The following WDR72 variants were observed in gnomAD, a reference collection of about 807,000 sequenced individuals.
WDR72 encodes the protein WD repeat domain 72.
WDR72 carries 120 observed loss-of-function variants against 124.2 expected under a neutral mutation model. The observed-to-expected ratio is 0.97, with a 90% confidence interval of 0.83 to 1.12. The LOEUF (loss-of-function observed/expected upper bound fraction) is 1.12, where lower values mean the gene tolerates loss of function less well. Ranked by LOEUF, WDR72 falls within the 50% of genes most tolerant of loss-of-function variation. The probability of loss-of-function intolerance (pLI) is 0.00; values close to 1 mark genes in which losing one functional copy is unlikely to be tolerated. For synonymous variants in WDR72, 452 were observed against 441.7 expected, an observed-to-expected ratio of 1.02 and a Z score of -0.29; for missense variants, 1,387 against 1,278.8, an observed-to-expected ratio of 1.08 and a Z score of -1.29.
intron 1 of WDR72, chr15:53,759,390 G>A (rs542556406): frequency 6.6e-6 from 1 of 152,212 alleles, no homozygotes; most frequent in Non-Finnish European, 1.5e-5. Flanking sequence ...ATCTGGAAAA[G>A]AGTTTGAAGA....
intron 17 of WDR72, among the ~76,000 whole-genome samples, chr15:53,602,440 G>A (rs1321089973): frequency 6.6e-6 from 1 of 151,542 alleles, no homozygotes; most frequent in Non-Finnish European, 1.5e-5. Context: ...AGAATCAAGA[G>A]CAAAAAAATC....
intron 13 of WDR72, among the ~76,000 whole-genome samples, chr15:53,670,298 T>C (rs1013957607): frequency 2.0e-5 from 3 of 152,202 alleles, no homozygotes; most frequent in Non-Finnish European, 2.9e-5. Context: ...GAAGGAAAGA[T>C]CAGTTTCCAA....
chr15:53,619,676 G>A (rs1392327081), intron 14 of WDR72, among the ~76,000 whole-genome samples: 1 of 151,936 alleles, frequency 6.6e-6, no homozygotes, highest in Non-Finnish European at 1.5e-5. Context: ...ACTGGACCTG[G>A]AAATTCTCTC....
At chr15:53,711,587 T>A in intron 7 of WDR72, 106 bp from the exon 8 acceptor site, 2 of 1,154,716 alleles carry the variant, frequency 1.7e-6, no homozygotes, top group Non-Finnish European at 1.3e-6. Flanking sequence ...TAAGCGTTAA[T>A]AACAGACCAT....
At chr15:53,673,125 A>T (rs2016050536) in intron 13 of WDR72, among the ~76,000 whole-genome samples, 1 of 151,904 alleles carries the variant, frequency 6.6e-6, no homozygotes, top group South Asian at 2.1e-4. Flanking sequence ...ACTGTCTCAA[A>T]AAAAGAAAAG....
rs148643501 is a variant in WDR72 at position 53,733,057 on chromosome 15, C to T, written c.93G>A (p.Thr31=). 64 of 1,613,896 alleles carry T rather than the reference C, an allele frequency of 4.0e-5. No individual in the cohort carries two copies. Among genetic ancestry groups the T allele is most frequent in the African/African-American group, 5.3e-5 (4 of 74,868 alleles). ...TAIMITDDQR[T]IVTGSQEGQL... ...GACCCTCTTGACTTCCAGTCACAAT[C>T]GTTCGCTGGTCATCAGTGATCATGA... The change falls in exon 2 of 20, where the codon ACG becomes ACA. Residue 31 remains threonine, a synonymous_variant. Coordinates refer to ENST00000360509, the MANE Select transcript of WDR72 (RefSeq NM_182758.4).
At chr15:53,724,665 G>T (rs533832030) in intron 2 of WDR72, among the ~76,000 whole-genome samples, 8 of 152,018 alleles carry the variant, frequency 5.3e-5, no homozygotes, top group Non-Finnish European at 8.8e-5. Flanking sequence ...CCTCCCACGG[G>T]GTCCCTCCCA....
At chr15:53,756,754 T>A (rs1463744110) in intron 1 of WDR72, 1 of 152,236 alleles carries the variant, frequency 6.6e-6, no homozygotes, top group Non-Finnish European at 1.5e-5. Context: ...TGCATTATTA[T>A]CACTATTCCA....
intron 19 of WDR72, among the ~76,000 whole-genome samples, chr15:53,522,276 C>T (rs1891846512): frequency 6.6e-6 from 1 of 151,872 alleles, no homozygotes; most frequent in African/African-American, 2.4e-5. Context: ...ACAAAGGCTA[C>T]AAGATTTGGA....
At chr15:53,618,486 C>G (rs2013857973) in intron 14 of WDR72, among the ~76,000 whole-genome samples, 1 of 151,896 alleles carries the variant, frequency 6.6e-6, no homozygotes, top group Non-Finnish European at 1.5e-5. Flanking sequence ...TTTTGATACT[C>G]TTTTTAAAGC....
intron 1 of WDR72, among the ~76,000 whole-genome samples, chr15:53,743,696 G>C (rs34382299): frequency 0.14 from 21,067 of 152,096 alleles, 1,914 homozygotes; most frequent in Middle Eastern, 0.2. Flanking sequence ...TCTTTATCAG[G>C]CCAGGCACAG....
chr15:53,689,332 T>C (rs2016756392), intron 13 of WDR72, among the ~76,000 whole-genome samples: 3 of 149,928 alleles, frequency 2.0e-5, no homozygotes, highest in Non-Finnish European at 2.9e-5. Context: ...AAAGGGCTAA[T>C]ATCCAGAATC....
At chr15:53,521,279 T>A (rs1891778730) in intron 19 of WDR72, among the ~76,000 whole-genome samples, 1 of 152,078 alleles carries the variant, frequency 6.6e-6, no homozygotes. Flanking sequence ...CCTTTATTCC[T>A]CACACTGGCT....
At chr15:53,747,929 G>C (rs28501084) in intron 1 of WDR72, among the ~76,000 whole-genome samples, 5,706 of 151,802 alleles carry the variant, frequency 0.038, 153 homozygotes, top group African/African-American at 0.076. Flanking sequence ...GCTTTAAGAA[G>C]TGGATATGTA....
chr15:53,567,875 A>G (rs900293214), intron 18 of WDR72, among the ~76,000 whole-genome samples: 3 of 151,636 alleles, frequency 2.0e-5, no homozygotes, highest in Non-Finnish European at 4.4e-5. Context: ...TTATTTTATC[A>G]ACAGATAAAA....
At chr15:53,728,157 A>G (rs879806695) in intron 2 of WDR72, among the ~76,000 whole-genome samples, 5 of 152,240 alleles carry the variant, frequency 3.3e-5, no homozygotes, top group Non-Finnish European at 7.3e-5. Context: ...GAGGCCTCCC[A>G]ATCATGGTGG....
intron 3 of WDR72, among the ~76,000 whole-genome samples, chr15:53,717,575 A>G (rs895243914): frequency 6.6e-6 from 1 of 152,100 alleles, no homozygotes; most frequent in African/African-American, 2.4e-5. Context: ...AAATGGGGCA[A>G]TTTTGCTACC....
Position 53,514,048 on chromosome 15 carries a change from T to TTG in WDR72, c.*3649_*3650dup, listed in dbSNP as rs1331437487. The TTG allele has an allele frequency of 1.3e-5, 2 of 152,208 alleles. No individual in the cohort carries two copies. The highest frequency in any genetic ancestry group is 2.9e-5 in the Non-Finnish European group (2 of 68,040). 9.4% of individuals were successfully genotyped at this position (152,208 alleles called of 1,614,324 possible). A position where few individuals can be genotyped will look rare whatever the true frequency, so the allele number is the denominator to read the frequency against. On this transcript the variant is annotated 3_prime_UTR_variant, in exon 20 of 20. Coordinates refer to ENST00000360509, the MANE Select transcript of WDR72 (RefSeq NM_182758.4). ...ACAGTGCGAGGTGATCTGGGGACTA[T>TTG]TGTACATGAAGCCATGCAGCTTTGT...
rs1231231816 is a variant in WDR72, at chr15:53,613,716, G to C, written c.2822C>G (p.Ala941Gly). Reference protein sequence around the residue: ...MESIHNKMRGAGNDILNMSSF... With the variant: ...MESIHNKMRGGGNDILNMSSF... ...TGACATATTTAAAATGTCATTCCCA[G>C]CACCTCTCATCTTATTATGTATACT... The change falls in exon 16 of 20, where the codon GCT (alanine) becomes GGT (glycine). Residue 941 changes from alanine (A) to glycine (G), a missense_variant. Transcript: ENST00000360509. 6.2e-7 allele frequency: 1 copy of C among 1,610,772 alleles called. No homozygotes were observed. Among genetic ancestry groups the C allele is most frequent in the Non-Finnish European group, 8.5e-7 (1 of 1,178,112 alleles).
Sources: allele counts gnomAD v4.1 joint callset (sites outside exome capture counted in the v4.1 genomes callset), GRCh38; gene constraint gnomAD v4.1.1; transcripts MANE v1.5; gene names NCBI Gene and HGNC (gene_info 2026-07-23, HGNC 2026-07-21).